Variants in C9orf72 observed in about 807,000 individuals in gnomAD.
The protein encoded by C9orf72 is C9orf72-SMCR8 complex subunit, also known as guanine nucleotide exchange factor C9orf72.
C9orf72 carries 44 observed loss-of-function variants against 51.6 expected under a neutral mutation model. The ratio of observed to expected loss-of-function variants is 0.85; its 90% confidence interval spans 0.67 to 1.10. The LOEUF (loss-of-function observed/expected upper bound fraction) is 1.10, where lower values mean the gene tolerates loss of function less well. Ranked by LOEUF, C9orf72 falls within the 50% of genes least tolerant of loss-of-function variation. The pLI, the probability that C9orf72 is intolerant of heterozygous loss-of-function variation, is 0.00. For missense variants in C9orf72, 607 were observed against 570.6 expected (o/e 1.06, Z -0.65); for synonymous variants, 213 against 194.2 (o/e 1.10, Z -0.81).
chr9:27,555,560 T>A (rs1023625310), intron 8 of C9orf72, among the ~76,000 whole-genome samples: 1 of 21,402 alleles, frequency 4.7e-5, no homozygotes, highest in African/African-American at 6.8e-5. Context: ...TTGCAAGCAT[T>A]TTTTTTTTTT....
intron 6 of C9orf72, chr9:27,559,999 T>A (rs774358): frequency 0.68 from 183,511 of 268,806 alleles, 63,636 homozygotes; most frequent in Non-Finnish European, 0.73. Flanking sequence ...ATTTATACAC[T>A]ACTGACACTG....
At chr9:27,552,515 A>T (rs1001664005) in intron 8 of C9orf72, among the ~76,000 whole-genome samples, 1 of 105,618 alleles carries the variant, frequency 9.5e-6, no homozygotes, top group African/African-American at 3.7e-5. Flanking sequence ...TACCAAGCTA[A>T]TTTTTTTTTT....
In C9orf72 at chr9:27,561,553, C is replaced by T. The variant is rs141579586; in HGVS notation, c.665+32G>A. 2.3e-4 allele frequency: 375 copies of T among 1,608,764 alleles called. 3 individuals carry two copies. In the African/African-American group the frequency reaches 3.2e-3, roughly 14 times the overall value. On this transcript the variant is annotated intron_variant, in intron 5 of 10. Coordinates refer to ENST00000380003, the MANE Select transcript of C9orf72 (RefSeq NM_018325.5). ...GGTGAGCATAAGATGGTATCTGCTT[C>T]ATCCAGCTTTTATGAAAAGAAAAAT...
At chr9:27,568,468 G>A (rs896757387) in intron 1 of C9orf72, among the ~76,000 whole-genome samples, 6 of 152,166 alleles carry the variant, frequency 3.9e-5, no homozygotes, top group African/African-American at 1.2e-4. Context: ...AGGGCTCTTG[G>A]TCCCCTTGCT....
At chr9:27,559,949 AT>A (rs1180144784) in intron 6 of C9orf72, 3 of 176,110 alleles carry the variant, frequency 1.7e-5, no homozygotes, top group Non-Finnish European at 3.6e-5. Context: ...TAGAAGAGTA[AT>A]TTTTTTTATA....
intron 1 of C9orf72, among the ~76,000 whole-genome samples, chr9:27,568,515 C>A (rs146597149): frequency 5.6e-4 from 86 of 152,288 alleles, no homozygotes; most frequent in African/African-American, 1.8e-3. Context: ...ACATACCACT[C>A]TAAAAAGGTA....
At chr9:27,565,226 A>AT (rs1819438809) in intron 3 of C9orf72, among the ~76,000 whole-genome samples, 1 of 152,128 alleles carries the variant, frequency 6.6e-6, no homozygotes, top group African/African-American at 2.4e-5. Context: ...CTTAAAGAAC[A>AT]TATCAGAGAC....
chr9:27,563,746 T>G (rs1341994728), intron 3 of C9orf72, among the ~76,000 whole-genome samples: 1 of 151,584 alleles, frequency 6.6e-6, no homozygotes, highest in Non-Finnish European at 1.5e-5. Context: ...GAAAGTTTTA[T>G]TTAAAAAAAA....
At position 27,556,694 on chromosome 9, in the gene C9orf72, G is replaced by C. The variant is rs1819208691; in HGVS notation, c.958C>G (p.Pro320Ala). ...TGATTATAAATATGTTCATGACAGG[G>C]TGGCATCTGCTTCACAGTATTGACA... ...VDVNTVKQMP[P>A]CHEHIYNQRR... Residue 320 changes from proline to alanine, a missense_variant, in exon 8 of 11, where the codon CCC (proline) becomes GCC (alanine). Transcript: ENST00000380003. The C allele has an allele frequency of 1.2e-6, 2 of 1,613,742 alleles. No homozygotes were observed. Among genetic ancestry groups the C allele is most frequent in the Non-Finnish European group, 1.7e-6 (2 of 1,179,798 alleles).
chr9:27,560,930 AT>A (rs1443998830), intron 5 of C9orf72: 1 of 248,398 alleles, frequency 4.0e-6, no homozygotes, highest in Non-Finnish European at 6.4e-6. Context: ...AATACTGGCT[AT>A]TTCTAGAAGA....
rs1819304995 is a variant in C9orf72 at position 27,560,234 on chromosome 9, A to T, written c.731T>A (p.Val244Glu). 6.2e-7 allele frequency: 1 copy of T among 1,602,084 alleles called. No individual in the cohort carries two copies. Among genetic ancestry groups the T allele is most frequent in the South Asian group, 1.1e-5 (1 of 89,838 alleles). Reference protein sequence around the residue: ...SVVVGSSAEKVNKIVRTLCLF... With the variant: ...SVVVGSSAEKENKIVRTLCLF... ...GATTATAAAATAAACTACCTTATTT[A>T]CTTTCTCTGCACTGCTACCTACTAC... Residue 244 changes from valine to glutamate, a missense_variant, in exon 6 of 11, where the codon GTA (valine) becomes GAA (glutamate). Val to Glu is a moderately radical substitution (Grantham distance 121). Coordinates refer to ENST00000380003, the MANE Select transcript of C9orf72 (RefSeq NM_018325.5).
chr9:27,566,963 A>T lies in C9orf72; in HGVS notation c.158T>A (p.Leu53His). The change falls in exon 2 of 11, where the codon CTT becomes CAT. Residue 53 changes from leucine (L) to histidine (H), a missense_variant. Coordinates refer to ENST00000380003, the MANE Select transcript of C9orf72 (RefSeq NM_018325.5). Reference sequence around the variant, plus strand: ...AAAAGTTATTTCTCCATCACTGAGAAGTACCTGTTCTGTCTTTGGAGCCCA... The same window carrying T: ...AAAAGTTATTTCTCCATCACTGAGATGTACCTGTTCTGTCTTTGGAGCCCA... The part of the protein sequence containing the change: ...HIWAPKTEQV[L>H]LSDGEITFLA... The T allele has an allele frequency of 6.2e-7, 1 of 1,614,060 alleles. No individual in the cohort carries two copies. Among genetic ancestry groups the T allele is most frequent in the East Asian group, 2.2e-5 (1 of 44,880 alleles).
At chr9:27,570,850 CAGAG>C (rs1012834534) in intron 1 of C9orf72, among the ~76,000 whole-genome samples, 1 of 151,918 alleles carries the variant, frequency 6.6e-6, no homozygotes, top group South Asian at 2.1e-4. Context: ...GCCTGGGCGA[CAGAG>C]AGAGACTCTG....
intron 8 of C9orf72, among the ~76,000 whole-genome samples, chr9:27,555,558 ATTT>A (rs35184194): frequency 1.4e-3 from 194 of 135,754 alleles, no homozygotes; most frequent in African/African-American, 2.1e-3. Flanking sequence ...TATTGCAAGC[ATTT>A]TTTTTTTTTT....
chr9:27,565,822 C>T (rs1819455542), intron 2 of C9orf72, among the ~76,000 whole-genome samples: 1 of 151,988 alleles, frequency 6.6e-6, no homozygotes, highest in Admixed American at 6.6e-5. Flanking sequence ...AAGATAACTT[C>T]ACAGAAAACA....
At chr9:27,554,340 A>G (rs1209163071) in intron 8 of C9orf72, among the ~76,000 whole-genome samples, 1 of 152,190 alleles carries the variant, frequency 6.6e-6, no homozygotes, top group Non-Finnish European at 1.5e-5. Flanking sequence ...CAGCCATAAA[A>G]ACCAGATGGA....
Position 27,566,845 on chromosome 9 carries a change from C to T in C9orf72, c.276G>A (p.Val92=), listed in dbSNP as rs1176093404. The T allele has an allele frequency of 3.7e-6, 6 of 1,613,974 alleles. No homozygotes were observed. The highest frequency in any genetic ancestry group is 5.1e-6 in the Non-Finnish European group (6 of 1,179,920). Residue 92 remains valine (V), a synonymous_variant, in exon 2 of 11, where the codon GTG becomes GTA. Transcript: ENST00000380003. The part of the protein sequence containing the change: ...VKFFVLSEKG[V]IIVSLIFDGN... The stretch of plus-strand genomic sequence containing the variant: ...CATCAAAGATTAATGAAACAATAAT[C>T]ACTCCCTTTTCAGACAAGACAAAAA...
At chr9:27,560,080 CA>C (rs1251418712) in intron 6 of C9orf72, 146 bp downstream of exon 6, 1 of 433,634 alleles carries the variant, frequency 2.3e-6, no homozygotes. Context: ...ACTGTTGCCA[CA>C]AGGTGTCTTA....
Position 27,547,349 on chromosome 9 carries a change from A to T in C9orf72, c.*887T>A, listed in dbSNP as rs1190757758. The T allele has an allele frequency of 6.5e-6, 1 of 152,694 alleles. No individual in the cohort carries two copies. The highest frequency in any genetic ancestry group is 2.4e-5 in the African/African-American group (1 of 41,468). 9.5% of individuals were successfully genotyped at this position (152,694 alleles called of 1,614,324 possible). ...ATTGCCAAAGCAGGTACATGGTAAG[A>T]CTTAGCAAGAAGAAAACAAGATGAA... On this transcript the variant is annotated 3_prime_UTR_variant, in exon 11 of 11. Transcript: ENST00000380003.
Sources: gnomAD v4.1 joint callset for allele counts (sites outside exome capture counted in the v4.1 genomes callset) on GRCh38, gnomAD v4.1.1 for gene constraint, MANE v1.5 for transcripts, NCBI Gene and HGNC (gene_info 2026-07-23, HGNC 2026-07-21) for gene names.